The following STPG2 variants were observed in gnomAD, a reference collection of about 807,000 sequenced individuals.
STPG2 encodes sperm tail PG-rich repeat containing 2.
STPG2 carries 56 observed loss-of-function variants against 54.2 expected under a neutral mutation model. The observed-to-expected ratio is 1.03, with a 90% CI of 0.83 to 1.29. The LOEUF is 1.29. Among genes scored for constraint, STPG2 ranks in the 50% most tolerant of loss-of-function variants. STPG2 has a pLI of 0.00. For synonymous variants in STPG2, 200 were observed against 181.8 expected, an observed-to-expected ratio of 1.10 and a Z score of -0.81; for missense variants, 596 against 544.9, an observed-to-expected ratio of 1.09 and a Z score of -0.93.
chr4:98,122,205 T>C (rs1474004978), intron 3 of STPG2, among the ~76,000 whole-genome samples: 1 of 152,230 alleles, frequency 6.6e-6, no homozygotes, highest in Non-Finnish European at 1.5e-5. Flanking sequence ...CTCTCTTGCC[T>C]GATTTCCCTG....
intron 2 of STPG2, among the ~76,000 whole-genome samples, chr4:98,132,897 T>C (rs1324583732): frequency 6.9e-6 from 1 of 143,918 alleles, no homozygotes; most frequent in Non-Finnish European, 1.5e-5. Context: ...TTCGTAAAGC[T>C]GTAGAGCAAG....
chr4:97,694,342 A>G (rs6847710), intron 10 of STPG2, among the ~76,000 whole-genome samples: 68,046 of 151,880 alleles, frequency 0.45, 16,760 homozygotes, highest in South Asian at 0.62. Context: ...ATTACAGCCA[A>G]TACTACAGAA....
intron 10 of STPG2, among the ~76,000 whole-genome samples, chr4:97,588,261 A>T (rs943070873): frequency 7.9e-5 from 12 of 151,968 alleles, no homozygotes; most frequent in Non-Finnish European, 1.3e-4. Flanking sequence ...AAATTTGATT[A>T]AAAAAATTAA....
intron 10 of STPG2, among the ~76,000 whole-genome samples, chr4:97,671,320 TATTCTTG>T (rs1397528236): frequency 1.3e-5 from 2 of 152,240 alleles, no homozygotes; most frequent in African/African-American, 4.8e-5. Context: ...ATGAGACTGT[TATTCTTG>T]GGTGGATTAT....
At chr4:97,642,826 T>G (rs575977826) in intron 10 of STPG2, among the ~76,000 whole-genome samples, 5 of 151,438 alleles carry the variant, frequency 3.3e-5, no homozygotes, top group African/African-American at 1.2e-4. Flanking sequence ...TAGACTGCAA[T>G]GGAATATGTA....
At chr4:97,653,501 A>G (rs575505449) in intron 10 of STPG2, among the ~76,000 whole-genome samples, 1 of 152,060 alleles carries the variant, frequency 6.6e-6, no homozygotes, top group African/African-American at 2.4e-5. Context: ...AAAAGAATTT[A>G]TTTTTTATGT....
chr4:97,706,496 A>C (rs1723946291), intron 10 of STPG2, among the ~76,000 whole-genome samples: 1 of 152,260 alleles, frequency 6.6e-6, no homozygotes, highest in South Asian at 2.1e-4. Flanking sequence ...CTCACAAAAC[A>C]CTAAATTTTA....
At chr4:97,870,424 T>C (rs993826560) in intron 8 of STPG2, among the ~76,000 whole-genome samples, 1 of 151,204 alleles carries the variant, frequency 6.6e-6, no homozygotes, top group Admixed American at 6.6e-5. Flanking sequence ...AAACTACATA[T>C]ATGAAACAAA....
chr4:97,884,692 GA>G (rs1231300092), intron 8 of STPG2, among the ~76,000 whole-genome samples: 1 of 147,744 alleles, frequency 6.8e-6, no homozygotes, highest in Non-Finnish European at 1.5e-5. Context: ...ATTGGGTAAA[GA>G]AAAAAAGAAG....
chr4:97,742,260 T>C (rs531561718), intron 9 of STPG2, among the ~76,000 whole-genome samples: 6 of 151,982 alleles, frequency 3.9e-5, no homozygotes, highest in Admixed American at 3.9e-4. Context: ...ATATACCTAA[T>C]GCTAAATGAC....
intron 9 of STPG2, among the ~76,000 whole-genome samples, chr4:97,752,165 A>T (rs562921214): frequency 6.6e-4 from 100 of 151,982 alleles, no homozygotes; most frequent in Non-Finnish European, 1.1e-3. Flanking sequence ...ACATAAACTT[A>T]CAAGCAGTTT....
chr4:98,103,514 G>A (rs1024906164), intron 5 of STPG2, among the ~76,000 whole-genome samples: 3 of 151,774 alleles, frequency 2.0e-5, no homozygotes, highest in Non-Finnish European at 4.4e-5. Flanking sequence ...GGTGGTGCAC[G>A]CCTGTAATCC....
chr4:97,967,185 CAAAA>C (rs58042990), intron 7 of STPG2, among the ~76,000 whole-genome samples: 4 of 107,170 alleles, frequency 3.7e-5, no homozygotes, highest in Admixed American at 1.0e-4. Context: ...AAATGGTAAG[CAAAA>C]AAAAAAAAAA....
intron 9 of STPG2, among the ~76,000 whole-genome samples, chr4:97,729,491 G>A (rs1463518207): frequency 6.6e-6 from 1 of 152,054 alleles, no homozygotes; most frequent in Non-Finnish European, 1.5e-5. Flanking sequence ...TTTGTCAACG[G>A]TTATCAAAAT....
chr4:97,913,817 TTAAG>T (rs1336323730), intron 8 of STPG2, among the ~76,000 whole-genome samples: 2 of 152,124 alleles, frequency 1.3e-5, no homozygotes, highest in Non-Finnish European at 2.9e-5. Flanking sequence ...AATTTGAAAT[TTAAG>T]TGTGAATATA....
intron 9 of STPG2, among the ~76,000 whole-genome samples, chr4:97,773,543 C>A (rs1163686249): frequency 6.6e-6 from 1 of 152,072 alleles, no homozygotes; most frequent in Admixed American, 6.6e-5. Flanking sequence ...GACTCATGAG[C>A]TCAAGTAATC....
At chr4:97,730,745 G>T (rs777602774) in intron 9 of STPG2, among the ~76,000 whole-genome samples, 46 of 152,144 alleles carry the variant, frequency 3.0e-4, no homozygotes, top group Admixed American at 7.2e-4. Context: ...TGACTGGATT[G>T]ATTCAAAGAA....
chr4:97,609,759 T>C (rs1157927790), intron 10 of STPG2, among the ~76,000 whole-genome samples: 1 of 151,996 alleles, frequency 6.6e-6, no homozygotes, highest in Non-Finnish European at 1.5e-5. Context: ...ATTTAGAGGA[T>C]CACAAATATA....
At chr4:97,703,661 C>A (rs1723852467) in intron 10 of STPG2, among the ~76,000 whole-genome samples, 2 of 136,202 alleles carry the variant, frequency 1.5e-5, no homozygotes, top group Non-Finnish European at 1.5e-5. Flanking sequence ...ATAAATAAAA[C>A]ATATATAAAA....
Sources: allele counts gnomAD v4.1 joint callset (sites outside exome capture counted in the v4.1 genomes callset), GRCh38; gene constraint gnomAD v4.1.1; transcripts MANE v1.5; gene names NCBI Gene and HGNC (gene_info 2026-07-23, HGNC 2026-07-21).